Variants in NHSL2 observed in about 807,000 individuals in gnomAD.
NHSL2 encodes NHS like 2.
NHSL2 carries 27 observed loss-of-function variants against 53.4 expected under a neutral mutation model. The ratio of observed to expected loss-of-function variants is 0.51; its 90% CI spans 0.37 to 0.70. NHSL2 has a LOEUF of 0.70. NHSL2 is among the 30% of genes least tolerant of loss of function. NHSL2 has a pLI of 0.00. For missense variants in NHSL2, 892 were observed against 980.1 expected, an observed-to-expected ratio of 0.91 and a Z score of 1.20; for synonymous variants, 408 against 404.1, an observed-to-expected ratio of 1.01 and a Z score of -0.12.
intron 1 of NHSL2, among the ~76,000 whole-genome samples, chrX:71,978,090 A>G (rs972648408): frequency 8.9e-6 from 1 of 112,437 alleles, no homozygotes; most frequent in African/African-American, 3.2e-5. Flanking sequence ...TGGGGTTGTT[A>G]TGAGGATTAA....
chrX:72,084,164 C>T (rs2041815480), intron 1 of NHSL2, among the ~76,000 whole-genome samples: 1 of 112,326 alleles, frequency 8.9e-6, no homozygotes, highest in Non-Finnish European at 1.9e-5. Context: ...ATATCCTCCA[C>T]CCTTGGTTGC....
chrX:72,071,270 A>G (rs952156492), intron 1 of NHSL2, among the ~76,000 whole-genome samples: 1 of 111,955 alleles, frequency 8.9e-6, no homozygotes, highest in Non-Finnish European at 1.9e-5. Flanking sequence ...TTCCAAGGCC[A>G]CCATTAGGTG....
At chrX:71,965,571 A>G (rs1209249203) in intron 1 of NHSL2, among the ~76,000 whole-genome samples, 4 of 111,950 alleles carry the variant, frequency 3.6e-5, no homozygotes, top group Non-Finnish European at 7.5e-5. Context: ...TTCTCCTTCA[A>G]TATTGAGGCG....
At chrX:72,071,093 T>C (rs2041698975) in intron 1 of NHSL2, among the ~76,000 whole-genome samples, 1 of 110,825 alleles carries the variant, frequency 9.0e-6, no homozygotes, top group African/African-American at 3.3e-5. Flanking sequence ...GGAAAGCAAC[T>C]TGGGATATGC....
intron 1 of NHSL2, among the ~76,000 whole-genome samples, chrX:71,963,998 TAC>T (rs780377741): frequency 0.013 from 501 of 38,474 alleles, 34 homozygotes; most frequent in African/African-American, 0.065. Context: ...TATATGTATA[TAC>T]ATATATATAT....
At chrX:71,977,427 T>C (rs187821892) in intron 1 of NHSL2, among the ~76,000 whole-genome samples, 2,788 of 101,241 alleles carry the variant, frequency 0.028, 112 homozygotes, top group African/African-American at 0.1. Context: ...CTCTCTCTCT[T>C]TTTTTTTTTT....
At chrX:71,959,022 G>A (rs1268712320) in intron 1 of NHSL2, among the ~76,000 whole-genome samples, 1 of 111,762 alleles carries the variant, frequency 8.9e-6, no homozygotes, top group African/African-American at 3.3e-5. Context: ...ACTGAACAAA[G>A]GAGAAAAAAG....
At chrX:71,955,842 A>G (rs913634835) in intron 1 of NHSL2, among the ~76,000 whole-genome samples, 7 of 108,342 alleles carry the variant, frequency 6.5e-5, no homozygotes, top group African/African-American at 1.7e-4. Flanking sequence ...CATGTTTCCC[A>G]TGAATCCTTA....
At chrX:72,028,745 T>C (rs755135690) in intron 1 of NHSL2, among the ~76,000 whole-genome samples, 1 of 112,197 alleles carries the variant, frequency 8.9e-6, no homozygotes, top group Admixed American at 9.3e-5. Context: ...CCTCAGCCAC[T>C]GGGAAGGATT....
chrX:71,944,361 T>G (rs1481760788), intron 1 of NHSL2, among the ~76,000 whole-genome samples: 2 of 112,269 alleles, frequency 1.8e-5, no homozygotes, highest in African/African-American at 6.5e-5. Flanking sequence ...AAGAGCTCAA[T>G]AAAGACCAGT....
Position 72,139,105 on chromosome X carries a change from T to C in NHSL2, c.1557T>C (p.Asn519=), listed in dbSNP as rs1276236363. The part of the protein sequence containing the change: ...DVDYDEEQKA[N]EACALPFAST... ...ACTATGATGAGGAGCAGAAGGCCAA[T>C]GAGGCCTGTGCCCTGCCTTTTGCCA... Residue 519 remains asparagine (N), a synonymous_variant, in exon 6 of 8, where the codon AAT becomes AAC. Transcript: ENST00000633930. The C allele has an allele frequency of 6.0e-6, 7 of 1,168,410 alleles. No homozygotes were observed. The highest frequency in any genetic ancestry group is 6.9e-6 in the Non-Finnish European group (6 of 873,482).
rs1484474570 is a variant in NHSL2, at chrX:72,152,586, G to T, written c.*9012G>T. On this transcript the variant is annotated 3_prime_UTR_variant, in exon 8 of 8. Transcript: ENST00000633930. The stretch of plus-strand genomic sequence containing the variant: ...TGTGGACTCAGCCACTCAGACCTAG[G>T]TCTCAGGCTGCAGCTTATCCTAGCT... The T allele has an allele frequency of 1.8e-5, 2 of 112,635 alleles. No individual in the cohort carries two copies. The highest frequency in any genetic ancestry group is 3.8e-5 in the Non-Finnish European group (2 of 53,268). The allele number at this position is 112,635 out of a possible 1,213,427, so 9.3% of individuals were successfully genotyped here.
chrX:71,992,999 G>A (rs1001792035), intron 1 of NHSL2, among the ~76,000 whole-genome samples: 2 of 112,199 alleles, frequency 1.8e-5, no homozygotes, highest in Non-Finnish European at 1.9e-5. Context: ...CTCTGGCAGC[G>A]ACAGGAACAA....
chrX:71,911,745 CG>C (rs988061317), intron 1 of NHSL2, among the ~76,000 whole-genome samples: 11 of 112,856 alleles, frequency 9.7e-5, no homozygotes, highest in Non-Finnish European at 2.1e-4. Flanking sequence ...ATCGCCGCGT[CG>C]GGAGCTAAAT....
In NHSL2 at chrX:72,143,342, C is replaced by T; in HGVS notation, c.3446C>T (p.Ala1149Val). 8 of 1,165,995 alleles carry T rather than the reference C, an allele frequency of 6.9e-6. No individual in the cohort carries two copies. The highest frequency in any genetic ancestry group is 9.2e-6 in the Non-Finnish European group (8 of 871,442). The change falls in exon 8 of 8, where the codon GCT becomes GTT. Residue 1149 changes from alanine (A) to valine (V), a missense_variant. Physicochemically the swap from Ala to Val is moderately conservative, Grantham distance 64. Coordinates refer to ENST00000633930, the MANE Select transcript of NHSL2 (RefSeq NM_001013627.3). Reference sequence around the variant, plus strand: ...TCCCACTCACCAATAAAGAACACAGCTGAGTCTCCAATCAGTGAGTCTACC... The same window carrying T: ...TCCCACTCACCAATAAAGAACACAGTTGAGTCTCCAATCAGTGAGTCTACC... ...TSSHSPIKNT[A>V]ESPISESTAT...
At chrX:72,082,819 T>C (rs765542816) in intron 1 of NHSL2, among the ~76,000 whole-genome samples, 6 of 112,245 alleles carry the variant, frequency 5.3e-5, no homozygotes, top group Non-Finnish European at 7.5e-5. Flanking sequence ...TCGGCCAGGC[T>C]GAAGAGCGCA....
Position 72,140,657 on chromosome X carries a change from A to G in NHSL2, c.3109A>G (p.Ile1037Val), listed in dbSNP as rs760988128. ...ACCAAGGCTGCCTCTCAGCCCCATC[A>G]TCACCCTGGAGGAAGACACCAAGTG... is the stretch of plus-strand genomic sequence containing the variant. ...AEPRLPLSPIITLEEDTKCPA... is the reference protein window; with the variant it reads ...AEPRLPLSPIVTLEEDTKCPA... Residue 1037 changes from isoleucine to valine, a missense_variant, in exon 6 of 8, where the codon ATC becomes GTC. Transcript: ENST00000633930. 32 of 1,210,348 alleles carry G rather than the reference A, an allele frequency of 2.6e-5. No homozygotes were observed. In the East Asian group the frequency reaches 9.2e-4, roughly 35 times the overall value.
At chrX:72,093,730 C>T (rs1335799627) in intron 1 of NHSL2, among the ~76,000 whole-genome samples, 3 of 82,645 alleles carry the variant, frequency 3.6e-5, no homozygotes, top group Non-Finnish European at 2.7e-5. Context: ...TGCTTTCTTT[C>T]TTTCTTTCTT....
intron 1 of NHSL2, among the ~76,000 whole-genome samples, chrX:72,063,026 C>T (rs916621381): frequency 1.8e-5 from 2 of 111,151 alleles, no homozygotes; most frequent in Admixed American, 9.5e-5. Context: ...TAGAGCCTCC[C>T]GCCAGCACTC....
Sources: allele counts gnomAD v4.1 joint callset (sites outside exome capture counted in the v4.1 genomes callset), GRCh38; gene constraint gnomAD v4.1.1; transcripts MANE v1.5; gene names NCBI Gene and HGNC (gene_info 2026-07-23, HGNC 2026-07-21).